TMTC2: variants seen among roughly 807,000 people sequenced by gnomAD.
The protein encoded by TMTC2 is protein O-mannosyl-transferase TMTC2.
In TMTC2, 43 loss-of-function variants were observed where a neutral mutation model predicts 82.4. The observed-to-expected ratio is 0.52, with a 90% CI of 0.41 to 0.67. TMTC2 has a LOEUF of 0.67. Ranked by LOEUF, TMTC2 falls within the 30% of genes least tolerant of loss-of-function variation. The probability of loss-of-function intolerance (pLI) is 0.00; values close to 1 mark genes in which losing one functional copy is unlikely to be tolerated. For missense variants in TMTC2, 919 were observed against 1,012.4 expected, an observed-to-expected ratio of 0.91 and a Z score of 1.25; for synonymous variants, 408 against 381.9, an observed-to-expected ratio of 1.07 and a Z score of -0.80.
intron 2 of TMTC2, among the ~76,000 whole-genome samples, chr12:82,867,763 C>T (rs1871942362): frequency 6.6e-6 from 1 of 152,128 alleles, no homozygotes; most frequent in African/African-American, 2.4e-5. Flanking sequence ...TTTCAAGATT[C>T]AAGTAAAAAT....
chr12:82,890,434 T>C (rs1339167951), intron 2 of TMTC2, among the ~76,000 whole-genome samples: 1 of 152,186 alleles, frequency 6.6e-6, no homozygotes, highest in Non-Finnish European at 1.5e-5. Context: ...GAATTCAATT[T>C]GTCCCAGAGC....
At chr12:82,912,428 A>G (rs1874729593) in intron 3 of TMTC2, among the ~76,000 whole-genome samples, 1 of 152,170 alleles carries the variant, frequency 6.6e-6, no homozygotes, top group African/African-American at 2.4e-5. Flanking sequence ...CTTGCTTAGG[A>G]TAAGAGAGTA....
intron 8 of TMTC2, among the ~76,000 whole-genome samples, chr12:83,001,226 T>A (rs536844561): frequency 6.6e-6 from 1 of 152,314 alleles, no homozygotes; most frequent in East Asian, 1.9e-4. Context: ...GATTTTCTTT[T>A]CTATTGCATT....
intron 1 of TMTC2, among the ~76,000 whole-genome samples, chr12:82,698,331 C>A (rs189094488): frequency 1.5e-4 from 23 of 152,272 alleles, no homozygotes; most frequent in African/African-American, 5.3e-4. Context: ...AGTACTTGAG[C>A]TGCTCAGCTC....
intron 2 of TMTC2, among the ~76,000 whole-genome samples, chr12:82,879,446 T>A (rs1335087388): frequency 6.6e-6 from 1 of 152,218 alleles, no homozygotes; most frequent in Admixed American, 6.5e-5. Context: ...GGGTTCCAGC[T>A]CCTGTGAGAA....
intron 2 of TMTC2, among the ~76,000 whole-genome samples, chr12:82,890,577 T>C (rs1873344671): frequency 1.3e-5 from 2 of 152,180 alleles, no homozygotes. Flanking sequence ...GTTGTACAAA[T>C]ATGCAGTGAC....
intron 1 of TMTC2, among the ~76,000 whole-genome samples, chr12:82,775,342 C>T (rs560042776): frequency 3.8e-4 from 57 of 151,656 alleles, no homozygotes; most frequent in East Asian, 2.5e-3. Context: ...CTCAGCTATT[C>T]GGGAGGCTAA....
At chr12:82,705,484 G>A (rs1873312780) in intron 1 of TMTC2, among the ~76,000 whole-genome samples, 1 of 152,204 alleles carries the variant, frequency 6.6e-6, no homozygotes, top group Admixed American at 6.5e-5. Flanking sequence ...CAGAAGTAAT[G>A]GAAGGAAAGG....
chr12:83,101,142 G>A (rs1468277481), intron 11 of TMTC2, among the ~76,000 whole-genome samples: 1 of 152,106 alleles, frequency 6.6e-6, no homozygotes, highest in Non-Finnish European at 1.5e-5. Flanking sequence ...ACATTATTTT[G>A]CATTTAAAGA....
chr12:82,737,438 G>T (rs563221032), intron 1 of TMTC2, among the ~76,000 whole-genome samples: 1 of 152,218 alleles, frequency 6.6e-6, no homozygotes, highest in African/African-American at 2.4e-5. Flanking sequence ...CATCTGTCTT[G>T]TGAGACTCGA....
chr12:83,043,965 G>A (rs1250153659), intron 9 of TMTC2, among the ~76,000 whole-genome samples: 2 of 152,096 alleles, frequency 1.3e-5, no homozygotes, highest in African/African-American at 4.8e-5. Flanking sequence ...ATTGATATCT[G>A]GATTTTTTGT....
chr12:82,793,737 C>T (rs914465934), intron 1 of TMTC2, among the ~76,000 whole-genome samples: 2 of 152,134 alleles, frequency 1.3e-5, no homozygotes, highest in Non-Finnish European at 2.9e-5. Flanking sequence ...TGGAACACTG[C>T]AGCTCATTAG....
At chr12:82,817,523 C>G (rs1381059700) in intron 1 of TMTC2, among the ~76,000 whole-genome samples, 1 of 152,102 alleles carries the variant, frequency 6.6e-6, no homozygotes, top group Non-Finnish European at 1.5e-5. Context: ...CTGTTAAAAT[C>G]TGTTGCCCTT....
chr12:82,892,710 C>T (rs979187501), intron 2 of TMTC2, among the ~76,000 whole-genome samples: 1 of 152,156 alleles, frequency 6.6e-6, no homozygotes, highest in African/African-American at 2.4e-5. Flanking sequence ...TCTCTACATC[C>T]CCGATCACTT....
chr12:83,081,611 AT>A (rs1202913175), intron 11 of TMTC2, among the ~76,000 whole-genome samples: 1 of 152,208 alleles, frequency 6.6e-6, no homozygotes, highest in Non-Finnish European at 1.5e-5. Flanking sequence ...TATAGTACAG[AT>A]TTTGTGATTT....
intron 7 of TMTC2, among the ~76,000 whole-genome samples, chr12:82,970,506 T>C (rs921481464): frequency 2.2e-5 from 3 of 138,732 alleles, no homozygotes; most frequent in African/African-American, 8.6e-5. Context: ...TAATTTTTTT[T>C]GTATTTTTAG....
chr12:82,960,171 G>C (rs1877851277), intron 4 of TMTC2, among the ~76,000 whole-genome samples: 1 of 151,912 alleles, frequency 6.6e-6, no homozygotes, highest in African/African-American at 2.4e-5. Flanking sequence ...AAAAACAATA[G>C]GTGCTGGTGA....
intron 1 of TMTC2, among the ~76,000 whole-genome samples, chr12:82,798,811 A>G (rs1187165308): frequency 6.6e-6 from 1 of 151,572 alleles, no homozygotes; most frequent in Non-Finnish European, 1.5e-5. Flanking sequence ...CCGTCTCAAA[A>G]AAAAAAAAAA....
chr12:82,815,477 A>AT (rs937483476), intron 1 of TMTC2, among the ~76,000 whole-genome samples: 10 of 150,490 alleles, frequency 6.6e-5, no homozygotes, highest in South Asian at 2.1e-4. Context: ...CGCCCAGCTA[A>AT]TTTTTTTTGT....
Sources: gnomAD v4.1 joint callset for allele counts (sites outside exome capture counted in the v4.1 genomes callset) on GRCh38, gnomAD v4.1.1 for gene constraint, MANE v1.5 for transcripts, NCBI Gene and HGNC (gene_info 2026-07-23, HGNC 2026-07-21) for gene names.